The following GHR variants were observed in gnomAD, a reference collection of about 807,000 sequenced individuals.
GHR encodes GH receptor.
GHR carries 35 observed loss-of-function variants against 67.1 expected under a neutral mutation model. The observed-to-expected ratio is 0.52, with a 90% CI of 0.40 to 0.69. The LOEUF (loss-of-function observed/expected upper bound fraction) is 0.69. Among genes scored for constraint, GHR ranks in the 30% least tolerant of loss-of-function variants. The pLI, the probability that GHR is intolerant of heterozygous loss-of-function variation, is 0.00. For missense variants in GHR, 792 were observed against 764.6 expected, an observed-to-expected ratio of 1.04 and a Z score of -0.42; for synonymous variants, 272 against 269.1, an observed-to-expected ratio of 1.01 and a Z score of -0.10.
intron 2 of GHR, among the ~76,000 whole-genome samples, chr5:42,621,495 A>C (rs1753442544): frequency 6.6e-6 from 1 of 152,150 alleles, no homozygotes; most frequent in Non-Finnish European, 1.5e-5. Flanking sequence ...ACAGGAAATA[A>C]ATATGTGAAG....
intron 1 of GHR, among the ~76,000 whole-genome samples, chr5:42,534,113 TATATGTATGTATATATATGTAC>T (rs1399395109): frequency 3.4e-5 from 5 of 148,500 alleles, no homozygotes; most frequent in African/African-American, 1.2e-4. Flanking sequence ...TACGTATGTA[TATATGTATGTATATATATGTAC>T]ATATGTATAT....
At chr5:42,692,592 T>C (rs1327930476) in intron 4 of GHR, among the ~76,000 whole-genome samples, 1 of 152,226 alleles carries the variant, frequency 6.6e-6, no homozygotes, top group East Asian at 1.9e-4. Flanking sequence ...GAAGTAGTGT[T>C]TTGAACTAGC....
rs116292995 is a variant in GHR at position 42,594,005 on chromosome 5, G to A, written c.70+28061G>A. On this transcript the variant is annotated intron_variant, in intron 2 of 9. Coordinates refer to ENST00000230882, the MANE Select transcript of GHR (RefSeq NM_000163.5). ...CTTAGAATATTAAAATAAATCCATT[G>A]CAGTGCTCAAATGACTTGTTTCTAT... Among the ~76,000 whole-genome samples the A allele has an allele frequency of 6.1e-3, 934 of 152,256 alleles. 3 individuals carry two copies. The highest frequency in any genetic ancestry group is 0.01 in the Non-Finnish European group (697 of 68,018).
chr5:42,463,278 G>C (rs7718962), intron 1 of GHR, among the ~76,000 whole-genome samples: 26,632 of 152,132 alleles, frequency 0.18, 2,605 homozygotes, highest in Non-Finnish European at 0.21. Context: ...AAGCTGAATA[G>C]ACAAGCTCCA....
intron 1 of GHR, among the ~76,000 whole-genome samples, chr5:42,494,398 A>G (rs982112209): frequency 3.9e-5 from 6 of 152,066 alleles, no homozygotes; most frequent in Admixed American, 6.6e-5. Flanking sequence ...TTCAGAAACC[A>G]ACTCTCATTA....
At chr5:42,679,091 T>C (rs983898549) in intron 3 of GHR, among the ~76,000 whole-genome samples, 1 of 145,200 alleles carries the variant, frequency 6.9e-6, no homozygotes, top group Non-Finnish European at 1.5e-5. Flanking sequence ...ATACTAATAT[T>C]AGTATGTATT....
intron 4 of GHR, among the ~76,000 whole-genome samples, chr5:42,692,126 G>A (rs1757449870): frequency 6.6e-6 from 1 of 151,962 alleles, no homozygotes; most frequent in African/African-American, 2.4e-5. Flanking sequence ...AGGGAGAAAG[G>A]GCATTATTAC....
intron 1 of GHR, among the ~76,000 whole-genome samples, chr5:42,550,344 T>C (rs1430242971): frequency 2.0e-5 from 3 of 152,288 alleles, no homozygotes; most frequent in East Asian, 3.9e-4. Context: ...CTCGGGGCCA[T>C]GTTCAGCCTC....
At position 42,582,164 on chromosome 5, in the gene GHR, G is replaced by C. The variant is rs4637556; in HGVS notation, c.70+16220G>C. ...AGGCGCCCCTTGGCATGAACAGCCT[G>C]GGTGCTGTGGATGACATGTAGATGG... On this transcript the variant is annotated intron_variant, in intron 2 of 9. Transcript: ENST00000230882. Among the ~76,000 whole-genome samples, 787 of 152,372 alleles carry C rather than the reference G, an allele frequency of 5.2e-3. 5 individuals carry two copies. Among genetic ancestry groups the C allele is most frequent in the African/African-American group, 0.018 (746 of 41,600 alleles).
At chr5:42,543,060 C>T (rs925244555) in intron 1 of GHR, among the ~76,000 whole-genome samples, 10 of 152,086 alleles carry the variant, frequency 6.6e-5, no homozygotes, top group Admixed American at 1.3e-4. Context: ...GTTGTTTCTA[C>T]ATCTTTGCAA....
intron 1 of GHR, among the ~76,000 whole-genome samples, chr5:42,425,931 A>G (rs1742834015): frequency 6.6e-6 from 1 of 152,218 alleles, no homozygotes; most frequent in Non-Finnish European, 1.5e-5. Context: ...TATAAATGCA[A>G]TGACAAAGTG....
intron 1 of GHR, among the ~76,000 whole-genome samples, chr5:42,462,246 C>T (rs1392087132): frequency 6.6e-6 from 1 of 152,182 alleles, no homozygotes; most frequent in Non-Finnish European, 1.5e-5. Flanking sequence ...CAGGTCATAG[C>T]TCTGTTTCTG....
chr5:42,536,180 G>A (rs773189925), intron 1 of GHR, among the ~76,000 whole-genome samples: 5 of 152,038 alleles, frequency 3.3e-5, no homozygotes, highest in Non-Finnish European at 7.4e-5. Flanking sequence ...GATTGCTCTG[G>A]CTAGGACTCC....
intron 2 of GHR, among the ~76,000 whole-genome samples, chr5:42,575,444 C>T (rs1750603008): frequency 6.6e-6 from 1 of 151,940 alleles, no homozygotes; most frequent in South Asian, 2.1e-4. Flanking sequence ...ATAGGAGAGT[C>T]AGAAAATGAG....
In GHR at chr5:42,719,359, G is replaced by A. The variant is rs768212765; in HGVS notation, c.1852G>A (p.Asp618Asn). The A allele has an allele frequency of 8.7e-6, 14 of 1,613,924 alleles. No individual in the cohort carries two copies. The Admixed American group carries it at 1.2e-4, about 13-fold the overall frequency. The change falls in exon 10 of 10, where the codon GAC becomes AAC. Residue 618 changes from aspartate (D) to asparagine (N), a missense_variant. Coordinates refer to ENST00000230882, the MANE Select transcript of GHR (RefSeq NM_000163.5). ...ILNATALPLP[D>N]KEFLSSCGYV... ...CAATGCGACTGCCTTGCCCTTGCCTGACAAAGAGTTTCTCTCATCATGTGG... is the reference window on the plus strand; with the variant it reads ...CAATGCGACTGCCTTGCCCTTGCCTAACAAAGAGTTTCTCTCATCATGTGG...
intron 1 of GHR, among the ~76,000 whole-genome samples, chr5:42,546,363 G>A: frequency 6.6e-6 from 1 of 152,122 alleles, no homozygotes; most frequent in Non-Finnish European, 1.5e-5. Flanking sequence ...CACAAGTCTA[G>A]ATAGCCCTCA....
At chr5:42,533,131 G>A (rs903100663) in intron 1 of GHR, among the ~76,000 whole-genome samples, 1 of 152,056 alleles carries the variant, frequency 6.6e-6, no homozygotes, top group African/African-American at 2.4e-5. Flanking sequence ...CCAGTTGATG[G>A]ATGTGAATTG....
chr5:42,600,790 A>G (rs1752333690), intron 2 of GHR, among the ~76,000 whole-genome samples: 1 of 152,204 alleles, frequency 6.6e-6, no homozygotes, highest in Admixed American at 6.5e-5. Context: ...ATGTCATGCT[A>G]CGCTCTAGCC....
At chr5:42,589,405 C>G (rs1440725645) in intron 2 of GHR, among the ~76,000 whole-genome samples, 3 of 152,190 alleles carry the variant, frequency 2.0e-5, no homozygotes, top group Non-Finnish European at 4.4e-5. Flanking sequence ...AGTCTCCAGT[C>G]TTTGCCCAAG....
Sources: allele counts gnomAD v4.1 joint callset (sites outside exome capture counted in the v4.1 genomes callset), GRCh38; gene constraint gnomAD v4.1.1; transcripts MANE v1.5; gene names NCBI Gene and HGNC (gene_info 2026-07-23, HGNC 2026-07-21).